CCDC88C: variants seen among roughly 807,000 people sequenced by gnomAD.
CCDC88C encodes the protein protein Daple.
In CCDC88C, 131 loss-of-function variants were observed where a neutral mutation model predicts 198.8. The observed-to-expected ratio is 0.66, with a 90% CI of 0.57 to 0.76. CCDC88C has a LOEUF of 0.76. Among genes scored for constraint, CCDC88C ranks in the 30% least tolerant of loss-of-function variants. The pLI is 0.00. For synonymous variants in CCDC88C, 1,166 were observed against 1,114.7 expected, an observed-to-expected ratio of 1.05 and a Z score of -0.92; for missense variants, 2,553 against 2,631.6, an observed-to-expected ratio of 0.97 and a Z score of 0.65.
In CCDC88C at chr14:91,297,456, T is replaced by G. The variant is rs1891059956; in HGVS notation, c.3815A>C (p.Tyr1272Ser). 1 of 1,574,938 alleles carries G rather than the reference T, an allele frequency of 6.3e-7. No homozygotes were observed. The highest frequency in any genetic ancestry group is 8.6e-7 in the Non-Finnish European group (1 of 1,160,126). Reference protein sequence around the residue: ...NFLHHQLKGEYEELHAHTKEL... With the variant: ...NFLHHQLKGESEELHAHTKEL... ...CTTGGTGTGGGCGTGCAGCTCCTCG[T>G]ACTCCCCCTTCAGCTGGTGGTGCAG... The change falls in exon 22 of 30, where the codon TAC (tyrosine) becomes TCC (serine). Residue 1272 changes from tyrosine (Y) to serine (S), a missense_variant. Physicochemically the swap from Tyr to Ser is moderately radical, Grantham distance 144. Coordinates refer to ENST00000389857, the MANE Select transcript of CCDC88C (RefSeq NM_001080414.4).
At chr14:91,376,458 C>A (rs1010182348) in intron 3 of CCDC88C, among the ~76,000 whole-genome samples, 2 of 152,180 alleles carry the variant, frequency 1.3e-5, no homozygotes, top group East Asian at 3.8e-4. Flanking sequence ...AGGACCCCTG[C>A]CCCCCAGGAA....
intron 22 of CCDC88C, among the ~76,000 whole-genome samples, chr14:91,294,944 C>T (rs865867394): frequency 6.6e-6 from 1 of 152,230 alleles, no homozygotes; most frequent in South Asian, 2.1e-4. Context: ...AGGCGTGAAC[C>T]ACCGCGCCTG....
chr14:91,301,110 C>T (rs904581098), intron 20 of CCDC88C, among the ~76,000 whole-genome samples: 2 of 152,228 alleles, frequency 1.3e-5, no homozygotes, highest in African/African-American at 4.8e-5. Context: ...AACTTTATAA[C>T]TCTTACTCAC....
chr14:91,328,133 G>A (rs1312306022), intron 10 of CCDC88C, among the ~76,000 whole-genome samples: 2 of 152,244 alleles, frequency 1.3e-5, no homozygotes, highest in African/African-American at 2.4e-5. Context: ...ATCAAAGGCG[G>A]CATGTGAGGT....
Position 91,313,079 on chromosome 14 carries a change from C to T in CCDC88C, c.2736+1G>A. 6.4e-7 allele frequency: 1 copy of T among 1,571,744 alleles called. No individual in the cohort carries two copies. The highest frequency in any genetic ancestry group is 1.8e-5 in the Admixed American group (1 of 56,794). On this transcript the variant is annotated splice_donor_variant, in intron 15 of 29. Coordinates refer to ENST00000389857, the MANE Select transcript of CCDC88C (RefSeq NM_001080414.4). LOFTEE classifies it high-confidence loss of function. The surrounding 1 kb of genome is among the most constrained non-coding windows in gnomAD (Gnocchi z 5.2). ...TACAGGCGCCGCCTGTGTTTGCTCA[C>T]CTCCCTCAGAGTTGTCAGTGTCCTT...
At chr14:91,311,445 C>G (rs60680263) in intron 15 of CCDC88C, among the ~76,000 whole-genome samples, 2,791 of 152,288 alleles carry the variant, frequency 0.018, 94 homozygotes, top group African/African-American at 0.063. Flanking sequence ...CTGAGCCCCA[C>G]CCATGCAGCA....
chr14:91,338,155 C>A lies in CCDC88C; in HGVS notation c.900G>T (p.Gln300His). 1 of 1,613,672 alleles carries A rather than the reference C, an allele frequency of 6.2e-7. No homozygotes were observed. Among genetic ancestry groups the A allele is most frequent in the Non-Finnish European group, 8.5e-7 (1 of 1,179,708 alleles). Reference protein sequence around the residue: ...ELQKVKQENIQLAADARSARA... With the variant: ...ELQKVKQENIHLAADARSARA... ...GAGCAGACCGGGCGTCTGCCGCTAG[C>A]TGGATGTTCTGCAAGGTGGACAAAG... Residue 300 changes from glutamine (Q) to histidine (H), a missense_variant, in exon 10 of 30, where the codon CAG becomes CAT. Transcript: ENST00000389857. This position sits in a 1 kb window ranked among gnomAD's most constrained non-coding sequence, Gnocchi z 4.8.
chr14:91,305,880 T>C lies in CCDC88C; in HGVS notation c.3242A>G (p.Gln1081Arg), dbSNP rs1891534607. The C allele has an allele frequency of 1.2e-6, 2 of 1,613,956 alleles. No individual in the cohort carries two copies. Among genetic ancestry groups the C allele is most frequent in the Non-Finnish European group, 1.7e-6 (2 of 1,179,894 alleles). Residue 1081 changes from glutamine (Q) to arginine (R), a missense_variant, in exon 19 of 30, where the codon CAG becomes CGG. Physicochemically the swap from Gln to Arg is conservative, Grantham distance 43 (BLOSUM62 1). Coordinates refer to ENST00000389857, the MANE Select transcript of CCDC88C (RefSeq NM_001080414.4). Reference protein sequence around the residue: ...AEKQLLKEQLQHLETQNVTFS... With the variant: ...AEKQLLKEQLRHLETQNVTFS... ...GGTCACGTTCTGGGTCTCCAGGTGC[T>C]GCAGCTGTTCCTTTAGCAGCTGCTT...
chr14:91,309,955 T>C lies in CCDC88C; in HGVS notation c.2768A>G (p.Gln923Arg). 6.2e-7 allele frequency: 1 copy of C among 1,603,156 alleles called. No homozygotes were observed. The highest frequency in any genetic ancestry group is 2.3e-5 in the East Asian group (1 of 44,416). ...CAGCTTGTCCAGCTCACTGCTGAGC[T>C]GCTGGCTCTTCAGCTTCTCGAGCAC... ...DLVLEKLKSQ[Q>R]LSSELDKLSQ... The change falls in exon 16 of 30, where the codon CAG becomes CGG. Residue 923 changes from glutamine to arginine, a missense_variant. Coordinates refer to ENST00000389857, the MANE Select transcript of CCDC88C (RefSeq NM_001080414.4).
At chr14:91,306,669 T>C (rs1231249490) in intron 18 of CCDC88C, among the ~76,000 whole-genome samples, 1 of 152,244 alleles carries the variant, frequency 6.6e-6, no homozygotes, top group Non-Finnish European at 1.5e-5. Flanking sequence ...AGAATCATTG[T>C]CACTGTAGGG....
chr14:91,310,112 G>A (rs1891754187), intron 15 of CCDC88C, 126 bp from the exon 16 acceptor site: 7 of 951,572 alleles, frequency 7.4e-6, no homozygotes, highest in African/African-American at 1.7e-5. Context: ...GTGGAGCGAG[G>A]GGACTCTGAA....
At chr14:91,408,624 C>G in intron 3 of CCDC88C, 35 bp downstream of exon 3, 1 of 1,292,162 alleles carries the variant, frequency 7.7e-7, no homozygotes, top group Non-Finnish European at 1.1e-6. Flanking sequence ...CTGATGGACA[C>G]ACATCAGAAT....
intron 3 of CCDC88C, among the ~76,000 whole-genome samples, chr14:91,369,586 G>C (rs991005058): frequency 6.6e-6 from 1 of 152,012 alleles, no homozygotes; most frequent in Non-Finnish European, 1.5e-5. Flanking sequence ...TAGCCACTGA[G>C]AGGAAAACCC....
intron 10 of CCDC88C, among the ~76,000 whole-genome samples, chr14:91,330,278 C>T (rs1434129934): frequency 1.3e-5 from 2 of 152,240 alleles, no homozygotes; most frequent in African/African-American, 4.8e-5. Context: ...CACCCCTGAC[C>T]TGGCCGCAGA....
chr14:91,309,946 C>A lies in CCDC88C; in HGVS notation c.2777G>T (p.Ser926Ile), dbSNP rs1466397180. ...TTCCTGGCTCAGCTTGTCCAGCTCA[C>A]TGCTGAGCTGCTGGCTCTTCAGCTT... The part of the protein sequence containing the change: ...LEKLKSQQLS[S>I]ELDKLSQELE... Residue 926 changes from serine to isoleucine, a missense_variant, in exon 16 of 30, where the codon AGT (serine) becomes ATT (isoleucine). Ser to Ile is a moderately radical substitution (Grantham distance 142). Transcript: ENST00000389857. 10 of 1,603,716 alleles carry A rather than the reference C, an allele frequency of 6.2e-6. No homozygotes were observed. The highest frequency in any genetic ancestry group is 3.3e-4 in the Middle Eastern group (2 of 6,066).
intron 3 of CCDC88C, among the ~76,000 whole-genome samples, chr14:91,392,744 A>G (rs1316828207): frequency 1.3e-5 from 2 of 150,972 alleles, no homozygotes; most frequent in Admixed American, 6.6e-5. Flanking sequence ...CCTCACTCTC[A>G]CCACGCCCCT....
chr14:91,355,817 A>G (rs932347151), intron 4 of CCDC88C, among the ~76,000 whole-genome samples: 4 of 152,244 alleles, frequency 2.6e-5, no homozygotes, highest in African/African-American at 7.2e-5. Context: ...AAAGGGGACA[A>G]ATGCGTAGAC....
At chr14:91,363,509 GTT>G (rs1894399537) in intron 3 of CCDC88C, among the ~76,000 whole-genome samples, 1 of 151,914 alleles carries the variant, frequency 6.6e-6, no homozygotes, top group South Asian at 2.1e-4. Flanking sequence ...ATACTTGACT[GTT>G]TCCAGATTTC....
At chr14:91,378,716 T>TAGGA (rs1337088914) in intron 3 of CCDC88C, 1 of 152,270 alleles carries the variant, frequency 6.6e-6, no homozygotes, top group Non-Finnish European at 1.5e-5. Flanking sequence ...TTAACTTTAT[T>TAGGA]TTTAAAAGGC....
Sources: gnomAD v4.1 joint callset for allele counts (sites outside exome capture counted in the v4.1 genomes callset) on GRCh38, gnomAD v4.1.1 for gene constraint, Gnocchi (gnomAD v3.1) non-coding constraint, MANE v1.5 for transcripts, NCBI Gene and HGNC (gene_info 2026-07-23, HGNC 2026-07-21) for gene names.